The following AHI1 variants were observed in gnomAD, a reference collection of about 807,000 sequenced individuals.
AHI1 encodes the protein jouberin.
In AHI1, 123 loss-of-function variants were observed where a neutral mutation model predicts 149.3. That is an observed-to-expected ratio of 0.82 (90% CI 0.71 to 0.96). AHI1 has a LOEUF of 0.96. Among genes scored for constraint, AHI1 ranks in the 40% least tolerant of loss-of-function variants. AHI1 has a pLI of 0.00. For missense variants in AHI1, 1,439 were observed against 1,422.7 expected (o/e 1.01, Z -0.18); for synonymous variants, 475 against 459.8 (o/e 1.03, Z -0.42).
intron 5 of AHI1, chr6:135,490,112 G>C (rs946025470): frequency 2.8e-6 from 2 of 711,014 alleles, no homozygotes; most frequent in Admixed American, 2.0e-5. Context: ...CTTAGTCTTT[G>C]AGCACTGTAT....
At position 135,308,858 on chromosome 6, in the gene AHI1, T is replaced by G. The variant is rs560906368; in HGVS notation, c.3427-8300A>C. Among the ~76,000 whole-genome samples, 23 of 152,350 alleles carry G rather than the reference T, an allele frequency of 1.5e-4. No individual in the cohort carries two copies. In the South Asian group the frequency reaches 4.8e-3, roughly 32 times the overall value. On this transcript the variant is annotated intron_variant, in intron 26 of 28. Transcript: ENST00000265602. Reference sequence around the variant, plus strand: ...GGGATTCTCTCATGTTCCTTTCATTTCAGAACCACTGGCAATTATCTAGGT... The same window carrying G: ...GGGATTCTCTCATGTTCCTTTCATTGCAGAACCACTGGCAATTATCTAGGT...
At chr6:135,386,553 G>T (rs533147142) in intron 23 of AHI1, among the ~76,000 whole-genome samples, 1 of 151,938 alleles carries the variant, frequency 6.6e-6, no homozygotes, top group Non-Finnish European at 1.5e-5. Context: ...CTTGTGATCC[G>T]CCTGCCTCGG....
At chr6:135,298,729 C>T (rs768621639) in intron 27 of AHI1, among the ~76,000 whole-genome samples, 1 of 152,074 alleles carries the variant, frequency 6.6e-6, no homozygotes, top group African/African-American at 2.4e-5. Flanking sequence ...GAAGCATCTT[C>T]AAAAAGAGAA....
intron 27 of AHI1, among the ~76,000 whole-genome samples, chr6:135,294,456 C>G (rs1402798648): frequency 6.6e-6 from 1 of 151,894 alleles, no homozygotes; most frequent in African/African-American, 2.4e-5. Context: ...TTGCAGTGAG[C>G]CAAGATCACG....
chr6:135,381,401 C>T (rs962336703), intron 23 of AHI1, among the ~76,000 whole-genome samples: 28 of 152,164 alleles, frequency 1.8e-4, no homozygotes, highest in Admixed American at 1.7e-3. Context: ...GAAATACAAA[C>T]ACACCCACAT....
chr6:135,318,728 C>T lies in AHI1; in HGVS notation c.3329-112G>A, dbSNP rs1304128298. ...AATTAAAGAAATCGATATTCAATTC[C>T]TTGGTGTACCAATAAGATACCTAAA... is the stretch of plus-strand genomic sequence containing the variant. On this transcript the variant is annotated intron_variant, in intron 25 of 28. Coordinates refer to ENST00000265602, the MANE Select transcript of AHI1 (RefSeq NM_001134831.2). 2.1e-5 allele frequency: 13 copies of T among 610,970 alleles called. No individual in the cohort carries two copies. In the East Asian group the frequency reaches 3.2e-4, roughly 15 times the overall value. The allele number at this position is 610,970 out of a possible 1,614,324, so 37.8% of individuals were successfully genotyped here. A position where few individuals can be genotyped will look rare whatever the true frequency, so the allele number is the denominator to read the frequency against.
rs6900749 is a variant in AHI1 at position 135,453,768 on chromosome 6, C to T, written c.1345-332G>A. On this transcript the variant is annotated intron_variant, in intron 10 of 28. Transcript: ENST00000265602. ...ATTGTTTTTTATGTATCACAGCAGA[C>T]TTTAAAGGATTGTTTGTTTAAAAAA... is the stretch of plus-strand genomic sequence containing the variant. Among the ~76,000 whole-genome samples, 455 of 152,148 alleles carry T rather than the reference C, an allele frequency of 3.0e-3. 7 individuals are homozygous for T. The highest frequency in any genetic ancestry group is 0.014 in the Middle Eastern group (4 of 294).
At chr6:135,353,553 A>G (rs1261219026) in intron 24 of AHI1, among the ~76,000 whole-genome samples, 1 of 152,140 alleles carries the variant, frequency 6.6e-6, no homozygotes, top group Non-Finnish European at 1.5e-5. Context: ...ATATATGTAT[A>G]AAGTATACAA....
intron 23 of AHI1, among the ~76,000 whole-genome samples, chr6:135,384,678 T>A (rs1045373095): frequency 6.6e-6 from 1 of 152,244 alleles, no homozygotes; most frequent in African/African-American, 2.4e-5. Context: ...TTCAGTTTTT[T>A]AAATGGTAAT....
intron 24 of AHI1, among the ~76,000 whole-genome samples, chr6:135,347,953 GA>G (rs1293646517): frequency 1.3e-5 from 2 of 152,228 alleles, no homozygotes. Flanking sequence ...TACAGAATAA[GA>G]AGGGTTTTTT....
At chr6:135,397,000 A>AT (rs1170079474) in intron 22 of AHI1, among the ~76,000 whole-genome samples, 3 of 151,636 alleles carry the variant, frequency 2.0e-5, no homozygotes, top group South Asian at 4.2e-4. Context: ...TTACAACAAA[A>AT]TTTTTTTTTA....
At chr6:135,457,013 C>T (rs1478573288) in intron 9 of AHI1, among the ~76,000 whole-genome samples, 1 of 152,124 alleles carries the variant, frequency 6.6e-6, no homozygotes, top group African/African-American at 2.4e-5. Context: ...AATTACTGAG[C>T]CAGGCACGGT....
intron 24 of AHI1, among the ~76,000 whole-genome samples, chr6:135,331,198 C>G (rs1264170478): frequency 6.6e-6 from 1 of 152,186 alleles, no homozygotes; most frequent in Non-Finnish European, 1.5e-5. Flanking sequence ...ATTAAGAAAT[C>G]TTTCTGTGAC....
chr6:135,354,179 G>C (rs1227303081), intron 24 of AHI1, among the ~76,000 whole-genome samples: 2 of 151,932 alleles, frequency 1.3e-5, no homozygotes, highest in African/African-American at 4.8e-5. Context: ...CTCTCTACCG[G>C]GGTTACAGGG....
chr6:135,440,627 T>C (rs1786137642), intron 14 of AHI1, among the ~76,000 whole-genome samples: 1 of 152,070 alleles, frequency 6.6e-6, no homozygotes, highest in African/African-American at 2.4e-5. Context: ...ATTGAAGGTA[T>C]ACCCCAACAC....
chr6:135,330,412 T>C lies in AHI1; in HGVS notation c.3166-7088A>G, dbSNP rs1021909547. On this transcript the variant is annotated intron_variant, in intron 24 of 28. Transcript: ENST00000265602. ...GACTTGCTGAAGGCTGAGATGATCATTGGTATTTTTTAGCAATCAAGTATT... is the reference window on the plus strand; with the variant it reads ...GACTTGCTGAAGGCTGAGATGATCACTGGTATTTTTTAGCAATCAAGTATT... Among the ~76,000 whole-genome samples, 6 of 152,340 alleles carry C rather than the reference T, an allele frequency of 3.9e-5. No homozygotes were observed. The East Asian group carries it at 9.6e-4, about 24-fold the overall frequency.
intron 23 of AHI1, among the ~76,000 whole-genome samples, chr6:135,393,897 T>A (rs1778863236): frequency 6.6e-6 from 1 of 152,062 alleles, no homozygotes; most frequent in African/African-American, 2.4e-5. Context: ...CAGCCAGGGT[T>A]GAGCATAAGA....
At chr6:135,394,687 G>A in intron 23 of AHI1, 89 bp downstream of exon 23, 1 of 1,520,830 alleles carries the variant, frequency 6.6e-7, no homozygotes, top group Non-Finnish European at 9.0e-7. Context: ...ACCATTATGA[G>A]CTTTATTTCT....
In AHI1 at chr6:135,429,800, C is replaced by A. The variant is rs1784393570; in HGVS notation, c.2492+82G>T. The stretch of plus-strand genomic sequence containing the variant: ...TGTGGGGACACTGCTTAGTTGAGAA[C>A]CACTACCGAATTTTATAAATATAAT... On this transcript the variant is annotated intron_variant, in intron 18 of 28. Transcript: ENST00000265602. 4 of 859,600 alleles carry A rather than the reference C, an allele frequency of 4.7e-6. No individual in the cohort carries two copies. The East Asian group carries it at 8.3e-5, about 18-fold the overall frequency. 53.2% of individuals were successfully genotyped at this position (859,600 alleles called of 1,614,324 possible). A position where few individuals can be genotyped will look rare whatever the true frequency, so the allele number is the denominator to read the frequency against.
Sources: gnomAD v4.1 joint callset for allele counts (sites outside exome capture counted in the v4.1 genomes callset) on GRCh38, gnomAD v4.1.1 for gene constraint, MANE v1.5 for transcripts, NCBI Gene and HGNC (gene_info 2026-07-23, HGNC 2026-07-21) for gene names.